ATP2B4: variants seen among roughly 807,000 people sequenced by gnomAD.
ATP2B4 encodes ATPase plasma membrane Ca2+ transporting 4, also known as plasma membrane calcium-transporting ATPase 4.
Under a neutral mutation model 110.3 loss-of-function variants are expected in ATP2B4, and 39 were observed. That is an observed-to-expected ratio of 0.35 (90% CI 0.27 to 0.46). ATP2B4 has a LOEUF of 0.46. ATP2B4 is among the 20% of genes least tolerant of loss of function. The pLI is 1.00. For missense variants in ATP2B4, 1,135 were observed against 1,530.9 expected (o/e 0.74, Z 4.32); for synonymous variants, 538 against 571.7 (o/e 0.94, Z 0.84).
At chr1:203,649,802 A>G (rs1022353220) in intron 1 of ATP2B4, among the ~76,000 whole-genome samples, 1 of 152,098 alleles carries the variant, frequency 6.6e-6, no homozygotes, top group African/African-American at 2.4e-5. Context: ...AAACAAGCAA[A>G]AAACCAAGTG....
In ATP2B4 at chr1:203,679,966, C is replaced by T. The variant is rs536795275; in HGVS notation, c.-464-2776C>T. ...ATCCCAGTTACTCAGGAAGCTGAGGCGGGAGAATCACTTGAACCTGGGAGG... is the reference window on the plus strand; with the variant it reads ...ATCCCAGTTACTCAGGAAGCTGAGGTGGGAGAATCACTTGAACCTGGGAGG... On this transcript the variant is annotated intron_variant, in intron 1 of 20. Transcript: ENST00000357681. 1.3e-4 allele frequency among the ~76,000 whole-genome samples: 20 copies of T among 150,100 alleles called. 1 individual carries two copies. Among genetic ancestry groups the T allele is most frequent in the Non-Finnish European group, 2.7e-4 (18 of 67,694 alleles).
chr1:203,734,918 C>T (rs1418438668), intron 20 of ATP2B4, among the ~76,000 whole-genome samples: 3 of 144,564 alleles, frequency 2.1e-5, no homozygotes, highest in Non-Finnish European at 4.5e-5. Context: ...GCAGGAGAAT[C>T]GCTGGAACCC....
rs74137880 is a variant in ATP2B4, at chr1:203,706,320, A to T, written c.1100-689A>T. 9.2e-3 allele frequency among the ~76,000 whole-genome samples: 1,398 copies of T among 152,316 alleles called. 23 individuals are homozygous for T. The highest frequency in any genetic ancestry group is 0.029 in the African/African-American group (1,197 of 41,564). On this transcript the variant is annotated intron_variant, in intron 8 of 20. Transcript: ENST00000357681. ...CAATGGGCCATACCAAAGACTTCCC[A>T]GTACTTTCATTTCCTCATCTTTAAA... is the stretch of plus-strand genomic sequence containing the variant.
chr1:203,688,867 G>A (rs2102370466), intron 2 of ATP2B4, among the ~76,000 whole-genome samples: 1 of 149,484 alleles, frequency 6.7e-6, no homozygotes, highest in South Asian at 2.1e-4. Flanking sequence ...CAGTCTTTAT[G>A]TCTGTATATA....
intron 17 of ATP2B4, among the ~76,000 whole-genome samples, chr1:203,721,660 TTTTTTTTTTTTTTC>T (rs1428464239): frequency 4.4e-5 from 6 of 135,562 alleles, no homozygotes; most frequent in Admixed American, 1.4e-4. Context: ...CTTTCTTTTT[TTTTTTTTTTTTTTC>T]TTTTTGGAGA....
chr1:203,687,130 T>TCTGGAAC (rs1665218388), intron 2 of ATP2B4, among the ~76,000 whole-genome samples: 1 of 151,868 alleles, frequency 6.6e-6, no homozygotes, highest in South Asian at 2.1e-4. Flanking sequence ...TAGGGCTTGT[T>TCTGGAAC]CTGGAACTGG....
At position 203,707,123 on chromosome 1, in the gene ATP2B4, A is replaced by G. The variant is rs1226679022; in HGVS notation, c.1214A>G (p.Tyr405Cys). The G allele has an allele frequency of 6.2e-7, 1 of 1,614,140 alleles. No individual in the cohort carries two copies. Among genetic ancestry groups the G allele is most frequent in the Admixed American group, 1.7e-5 (1 of 60,016 alleles). ...GAGTGTACTCCCATCTACATCCAGT[A>G]CTTTGTCAAGTTCTTCATCATCGGC... ...LPECTPIYIQ[Y>C]FVKFFIIGIT... Residue 405 changes from tyrosine to cysteine, a missense_variant, in exon 9 of 21, where the codon TAC becomes TGC. This residue lies in a region of ATP2B4 where 162 missense variants were observed against 210.5 expected (regional missense o/e 0.77). Coordinates refer to ENST00000357681, the MANE Select transcript of ATP2B4 (RefSeq NM_001684.5).
At chr1:203,663,914 A>G (rs1464507106) in intron 1 of ATP2B4, among the ~76,000 whole-genome samples, 1 of 151,836 alleles carries the variant, frequency 6.6e-6, no homozygotes, top group African/African-American at 2.4e-5. Context: ...TCTTCTCTCC[A>G]ATTTCTTTTA....
intron 16 of ATP2B4, 73 bp from the exon 17 acceptor site, chr1:203,721,124 C>A: frequency 6.6e-7 from 1 of 1,510,960 alleles, no homozygotes. Context: ...GTCGTGGGAG[C>A]TGGGCCATCG....
intron 20 of ATP2B4, chr1:203,729,557 A>AG (rs1173533192): frequency 2.2e-6 from 1 of 450,004 alleles, no homozygotes; most frequent in African/African-American, 2.1e-5. Flanking sequence ...AAAAAAAAAA[A>AG]AAAAAGAAGA....
chr1:203,714,932 G>T (rs1666117650), intron 15 of ATP2B4, among the ~76,000 whole-genome samples: 1 of 151,832 alleles, frequency 6.6e-6, no homozygotes, highest in Non-Finnish European at 1.5e-5. Flanking sequence ...TTTTTTAAGG[G>T]TTTTATTCTA....
chr1:203,656,613 ATACT>A (rs1664171880), intron 1 of ATP2B4, among the ~76,000 whole-genome samples: 2 of 152,250 alleles, frequency 1.3e-5, no homozygotes. Flanking sequence ...GAGGTAGAAG[ATACT>A]TCATTTAAAT....
chr1:203,630,744 C>A (rs1663243635), intron 1 of ATP2B4, among the ~76,000 whole-genome samples: 2 of 152,168 alleles, frequency 1.3e-5, no homozygotes, highest in South Asian at 4.1e-4. Context: ...TTCCTGTCAT[C>A]CCAGTGGGTA....
At chr1:203,635,175 T>C (rs1000802069) in intron 1 of ATP2B4, among the ~76,000 whole-genome samples, 6 of 152,136 alleles carry the variant, frequency 3.9e-5, no homozygotes, top group African/African-American at 9.7e-5. Context: ...GGTTTCTCCA[T>C]GTTGGTCAGG....
chr1:203,725,715 C>G, intron 19 of ATP2B4, among the ~76,000 whole-genome samples: 1 of 152,168 alleles, frequency 6.6e-6, no homozygotes, highest in East Asian at 1.9e-4. Context: ...GGCTATACCT[C>G]TCTTTACAGA....
chr1:203,662,916 C>G (rs192630280), intron 1 of ATP2B4, among the ~76,000 whole-genome samples: 1 of 152,288 alleles, frequency 6.6e-6, no homozygotes, highest in Admixed American at 6.5e-5. Context: ...TCGACAAATA[C>G]TTAATGCGCA....
chr1:203,712,871 C>G (rs1256454989), intron 13 of ATP2B4, among the ~76,000 whole-genome samples: 1 of 152,036 alleles, frequency 6.6e-6, no homozygotes, highest in Non-Finnish European at 1.5e-5. Flanking sequence ...CCCACCCGAG[C>G]CAACAGCCAA....
At chr1:203,643,356 C>T (rs893108698) in intron 1 of ATP2B4, among the ~76,000 whole-genome samples, 1 of 152,168 alleles carries the variant, frequency 6.6e-6, no homozygotes, top group African/African-American at 2.4e-5. Context: ...GACAACACTA[C>T]TTGTTTTTGT....
rs569543365 is a variant in ATP2B4, at chr1:203,739,824, C to A, written c.3588C>A (p.Ser1196Arg). 40 of 1,614,012 alleles carry A rather than the reference C, an allele frequency of 2.5e-5. 1 individual carries two copies. The South Asian group carries it at 4.2e-4, about 17-fold the overall frequency. ...AAGTGCAGCTCCCCCAGTCGGACAG[C>A]TCTCTACAGAGCCTAGAGACATCAG... The part of the protein sequence containing the change: ...CNQVQLPQSD[S>R]SLQSLETSV Residue 1196 changes from serine to arginine, a missense_variant, in exon 21 of 21, where the codon AGC (serine) becomes AGA (arginine). Coordinates refer to ENST00000357681, the MANE Select transcript of ATP2B4 (RefSeq NM_001684.5).
Sources: gnomAD v4.1 joint callset for allele counts (sites outside exome capture counted in the v4.1 genomes callset) on GRCh38, gnomAD v4.1.1 for gene constraint, gnomAD v4.1.1 regional missense constraint, MANE v1.5 for transcripts, NCBI Gene and HGNC (gene_info 2026-07-23, HGNC 2026-07-21) for gene names.